PACSIN1: variants seen among roughly 807,000 people sequenced by gnomAD.
PACSIN1 encodes protein kinase C and casein kinase substrate in neurons 1, also known as protein kinase C and casein kinase substrate in neurons protein 1.
A neutral mutation model predicts 59.5 loss-of-function variants in PACSIN1; 15 were observed. The observed-to-expected ratio is 0.25, with a 90% CI of 0.17 to 0.39. The LOEUF is 0.39. Ranked by LOEUF, PACSIN1 falls within the 10% of genes least tolerant of loss-of-function variation. The pLI is 1.00. For missense variants in PACSIN1, 420 were observed against 580.2 expected (o/e 0.72, Z 2.84); for synonymous variants, 210 against 220.6 (o/e 0.95, Z 0.42).
At chr6:34,510,127 A>G (rs1392721885) in intron 1 of PACSIN1, among the ~76,000 whole-genome samples, 2 of 152,254 alleles carry the variant, frequency 1.3e-5, no homozygotes, top group African/African-American at 4.8e-5. Context: ...GTTGCTTCCA[A>G]TTTGGAGATG....
At position 34,532,472 on chromosome 6, in the gene PACSIN1, G is replaced by A. The variant is rs1478568071; in HGVS notation, c.1277G>A (p.Gly426Glu). The change falls in exon 10 of 10, where the codon GGG becomes GAG. Residue 426 changes from glycine to glutamate, a missense_variant. Physicochemically the swap from Gly to Glu is moderately conservative, Grantham distance 98 (BLOSUM62 -2). Coordinates refer to ENST00000244458, the MANE Select transcript of PACSIN1 (RefSeq NM_020804.5). The surrounding 1 kb of genome is among the most constrained non-coding windows in gnomAD (Gnocchi z 5.2). ...GEEDEQGWCR[G>E]RLDSGQLGLY... ...GAGGATGAGCAGGGCTGGTGCCGTG[G>A]GCGGCTGGACAGCGGGCAGCTGGGC... 6.3e-7 allele frequency: 1 copy of A among 1,576,126 alleles called. No individual in the cohort carries two copies. The highest frequency in any genetic ancestry group is 8.6e-7 in the Non-Finnish European group (1 of 1,160,488).
chr6:34,505,823 G>C (rs1301475191), intron 1 of PACSIN1, among the ~76,000 whole-genome samples: 2 of 151,634 alleles, frequency 1.3e-5, no homozygotes, highest in Non-Finnish European at 2.9e-5. Flanking sequence ...GTAGAGATGG[G>C]GTTTCACTAT....
rs979763445 is a variant in PACSIN1, at chr6:34,521,417, T to C, written c.-63-4826T>C. On this transcript the variant is annotated intron_variant, in intron 1 of 9. Transcript: ENST00000244458. This position sits in a 1 kb window ranked among gnomAD's most constrained non-coding sequence, Gnocchi z 4.3. ...GTCCCTTCCTCAAGCCAGGAGTAGA[T>C]GGAACACAGCTGAGGGCCCTGCCCT... Among the ~76,000 whole-genome samples, 2 of 152,154 alleles carry C rather than the reference T, an allele frequency of 1.3e-5. No individual in the cohort carries two copies. The highest frequency in any genetic ancestry group is 2.9e-5 in the Non-Finnish European group (2 of 68,002).
chr6:34,468,530 C>T (rs1350415675), intron 1 of PACSIN1, among the ~76,000 whole-genome samples: 2 of 152,378 alleles, frequency 1.3e-5, no homozygotes, highest in East Asian at 1.9e-4. Flanking sequence ...ACTCTCCCTT[C>T]TTGCCCTCCC....
chr6:34,503,182 T>C (rs1767050361), intron 1 of PACSIN1, among the ~76,000 whole-genome samples: 2 of 151,756 alleles, frequency 1.3e-5, no homozygotes, highest in South Asian at 4.2e-4. Flanking sequence ...CGTAGGAGGA[T>C]TGCCTGAGGC....
intron 1 of PACSIN1, among the ~76,000 whole-genome samples, chr6:34,501,795 C>T (rs776460838): frequency 4.3e-4 from 66 of 152,124 alleles, no homozygotes; most frequent in Non-Finnish European, 7.5e-4. Context: ...CTTTGGGAGG[C>T]CGAGGAGGGT....
At chr6:34,499,298 A>G (rs1287117737) in intron 1 of PACSIN1, among the ~76,000 whole-genome samples, 1 of 151,608 alleles carries the variant, frequency 6.6e-6, no homozygotes, top group African/African-American at 2.4e-5. Context: ...CGGTAATGTG[A>G]GTGAGGGGGA....
At position 34,488,770 on chromosome 6, in the gene PACSIN1, G is replaced by T. The variant is rs763780154; in HGVS notation, c.-64+22500G>T. On this transcript the variant is annotated intron_variant, in intron 1 of 9. Transcript: ENST00000244458. This position sits in a 1 kb window ranked among gnomAD's most constrained non-coding sequence, Gnocchi z 4.7. ...ATTTGATTGATTGATTTGTTGCCCA[G>T]GCTGGTCTTGAGCTCCTGGGCTCAA... is the stretch of plus-strand genomic sequence containing the variant. Among the ~76,000 whole-genome samples the T allele has an allele frequency of 3.3e-5, 5 of 152,106 alleles. No individual in the cohort carries two copies. The highest frequency in any genetic ancestry group is 5.9e-5 in the Non-Finnish European group (4 of 68,034).
intron 1 of PACSIN1, among the ~76,000 whole-genome samples, chr6:34,523,610 G>C (rs1247766658): frequency 6.6e-6 from 1 of 152,258 alleles, no homozygotes; most frequent in Non-Finnish European, 1.5e-5. Context: ...GGAAGGCCAA[G>C]AGCATGTTGA....
chr6:34,513,569 G>T (rs572323923), intron 1 of PACSIN1, among the ~76,000 whole-genome samples: 1 of 152,134 alleles, frequency 6.6e-6, no homozygotes, highest in Non-Finnish European at 1.5e-5. Context: ...AAGTCTAGAA[G>T]CCTGTGTGAA....
At chr6:34,512,402 G>A (rs1033603981) in intron 1 of PACSIN1, among the ~76,000 whole-genome samples, 5 of 152,134 alleles carry the variant, frequency 3.3e-5, no homozygotes, top group African/African-American at 7.2e-5. Flanking sequence ...GATGGAGCCC[G>A]GCTCTTTAAG....
At chr6:34,523,215 A>C (rs141516472) in intron 1 of PACSIN1, among the ~76,000 whole-genome samples, 3 of 152,200 alleles carry the variant, frequency 2.0e-5, no homozygotes, top group Non-Finnish European at 4.4e-5. Flanking sequence ...GAGCTCCCAC[A>C]TGCAGTGCTG....
chr6:34,474,761 C>A (rs1267614304), intron 1 of PACSIN1, among the ~76,000 whole-genome samples: 1 of 137,062 alleles, frequency 7.3e-6, no homozygotes, highest in Non-Finnish European at 1.5e-5. Context: ...CTGCATCCAG[C>A]CTGGGTGACA....
rs1055921908 is a variant in PACSIN1, at chr6:34,525,847, G to A, written c.-63-396G>A. Among the ~76,000 whole-genome samples the A allele has an allele frequency of 3.3e-5, 5 of 152,262 alleles. 1 individual carries two copies. Among genetic ancestry groups the A allele is most frequent in the East Asian group, 3.9e-4 (2 of 5,174 alleles). On this transcript the variant is annotated intron_variant, in intron 1 of 9. Coordinates refer to ENST00000244458, the MANE Select transcript of PACSIN1 (RefSeq NM_020804.5). The surrounding 1 kb of genome is among the most constrained non-coding windows in gnomAD (Gnocchi z 4.9). ...CTCAGGAGACTTGTAAGAAGCTAAT[G>A]GGGGCTGCTGAGGTTGGGAGCAAGG...
At chr6:34,496,895 T>C (rs1561961290) in intron 1 of PACSIN1, among the ~76,000 whole-genome samples, 1 of 143,008 alleles carries the variant, frequency 7.0e-6, no homozygotes, top group Non-Finnish European at 1.5e-5. Flanking sequence ...AGTTTCAACT[T>C]AAAAAAAAAA....
Position 34,532,746 on chromosome 6 carries a change from G to A in PACSIN1, c.*216G>A. On this transcript the variant is annotated 3_prime_UTR_variant, in exon 10 of 10. Transcript: ENST00000244458. This position sits in a 1 kb window ranked among gnomAD's most constrained non-coding sequence, Gnocchi z 5.2. Reference sequence around the variant, plus strand: ...GTGCTGGGGCTTGGGGTGGCCCCAGGGTAGGTAACAGTCTTAGGACTTAGC... The same window carrying A: ...GTGCTGGGGCTTGGGGTGGCCCCAGAGTAGGTAACAGTCTTAGGACTTAGC... 1 of 554,364 alleles carries A rather than the reference G, an allele frequency of 1.8e-6. No individual in the cohort carries two copies. The highest frequency in any genetic ancestry group is 2.1e-5 in the South Asian group (1 of 47,120). 34.3% of individuals were successfully genotyped at this position (554,364 alleles called of 1,614,324 possible). A position where few individuals can be genotyped will look rare whatever the true frequency, so the allele number is the denominator to read the frequency against.
chr6:34,512,530 C>A (rs1453109584), intron 1 of PACSIN1, among the ~76,000 whole-genome samples: 1 of 152,182 alleles, frequency 6.6e-6, no homozygotes, highest in Admixed American at 6.5e-5. Flanking sequence ...TAGGAAGCCT[C>A]TGCTCTTGGG....
chr6:34,506,636 G>A (rs1274891380), intron 1 of PACSIN1, among the ~76,000 whole-genome samples: 2 of 152,176 alleles, frequency 1.3e-5, no homozygotes, highest in East Asian at 3.9e-4. Context: ...GCCAGGTGGG[G>A]GTAGAAATCC....
Position 34,489,336 on chromosome 6 carries a change from C to T in PACSIN1, c.-64+23066C>T, listed in dbSNP as rs75250999. Among the ~76,000 whole-genome samples the T allele has an allele frequency of 7.2e-5, 11 of 152,252 alleles. No homozygotes were observed. The East Asian group carries it at 2.1e-3, about 29-fold the overall frequency. The stretch of plus-strand genomic sequence containing the variant: ...ATTCTTGTAGCAATGCTCAACAATA[C>T]AGCACGTTGTCATGAATTACAGCCA... On this transcript the variant is annotated intron_variant, in intron 1 of 9. Transcript: ENST00000244458.
Sources: allele counts gnomAD v4.1 joint callset (sites outside exome capture counted in the v4.1 genomes callset), GRCh38; gene constraint gnomAD v4.1.1; non-coding constraint Gnocchi (gnomAD v3.1); transcripts MANE v1.5; gene names NCBI Gene and HGNC (gene_info 2026-07-23, HGNC 2026-07-21).